KANK2: variants seen among roughly 807,000 people sequenced by gnomAD.
KANK2 encodes the protein KN motif and ankyrin repeat domain-containing protein 2.
KANK2 carries 41 observed loss-of-function variants against 74.6 expected under a neutral mutation model. The observed-to-expected ratio is 0.55, with a 90% CI of 0.43 to 0.71. The LOEUF (loss-of-function observed/expected upper bound fraction) is 0.71, where lower values mean the gene tolerates loss of function less well. Ranked by LOEUF, KANK2 falls within the 30% of genes least tolerant of loss-of-function variation. The probability of loss-of-function intolerance (pLI) is 0.00; values close to 1 mark genes in which losing one functional copy is unlikely to be tolerated. For missense variants in KANK2, 1,148 were observed against 1,196.4 expected (o/e 0.96, Z 0.60); for synonymous variants, 537 against 519.0 (o/e 1.03, Z -0.47).
rs748882141 is a variant in KANK2 at position 11,166,284 on chromosome 19, C to G, written c.*274G>C. ...TCAATGTTCTTCATAAAACCCACAC[C>G]CCAGCATCAGCCCTGGCGCCAATGT... is the stretch of plus-strand genomic sequence containing the variant. On this transcript the variant is annotated 3_prime_UTR_variant, in exon 13 of 13. Transcript: ENST00000586659. 2.8e-6 allele frequency: 1 copy of G among 361,364 alleles called. No individual in the cohort carries two copies. The highest frequency in any genetic ancestry group is 5.0e-6 in the Non-Finnish European group (1 of 200,738). The allele number at this position is 361,364 out of a possible 1,614,324, so 22.4% of individuals were successfully genotyped here.
In KANK2 at chr19:11,194,545, TG is replaced by T; in HGVS notation, c.-35del. 6.3e-7 allele frequency: 1 copy of T among 1,588,588 alleles called. No individual in the cohort carries two copies. The highest frequency in any genetic ancestry group is 8.6e-7 in the Non-Finnish European group (1 of 1,157,726). On this transcript the variant is annotated 5_prime_UTR_variant, in exon 3 of 13. Coordinates refer to ENST00000586659, the MANE Select transcript of KANK2 (RefSeq NM_001136191.3). ...CTACAGATGCTCCTTGGAAGTCACT[TG>T]AGGGACTGCGAGTCAGACTGCCTGC...
intron 3 of KANK2, 49 bp from the exon 4 acceptor site, chr19:11,194,091 C>T: frequency 6.5e-7 from 1 of 1,544,540 alleles, no homozygotes; most frequent in South Asian, 1.3e-5. Flanking sequence ...TGTCCCCATT[C>T]TCAGGGTGAA....
At chr19:11,182,162 C>T (rs930826734) in intron 4 of KANK2, among the ~76,000 whole-genome samples, 9 of 151,878 alleles carry the variant, frequency 5.9e-5, no homozygotes, top group Non-Finnish European at 1.0e-4. Flanking sequence ...GTGATCCACC[C>T]GCCTCAGCCT....
intron 6 of KANK2, among the ~76,000 whole-genome samples, chr19:11,177,393 C>T (rs1376860059): frequency 2.0e-5 from 3 of 151,474 alleles, no homozygotes; most frequent in Non-Finnish European, 2.9e-5. Context: ...CTCGCTCTGT[C>T]GCCCAGGCTA....
In KANK2 at chr19:11,178,580, G is replaced by C. The variant is rs759936314; in HGVS notation, c.1390C>G (p.Gln464Glu). The C allele has an allele frequency of 6.2e-7, 1 of 1,604,910 alleles. No individual in the cohort carries two copies. ...GTGCCCCCGGCCTCCTCGGACTCTT[G>C]GGAGGCTGCTTGCCTGGTGGGCTCC... ...HREPTRQAAS[Q>E]ESEEAGGTGG... The change falls in exon 5 of 13, where the codon CAA (glutamine) becomes GAA (glutamate). Residue 464 changes from glutamine to glutamate, a missense_variant. Physicochemically the swap from Gln to Glu is conservative, Grantham distance 29. Coordinates refer to ENST00000586659, the MANE Select transcript of KANK2 (RefSeq NM_001136191.3).
At chr19:11,185,777 T>TC (rs2078656860) in intron 4 of KANK2, among the ~76,000 whole-genome samples, 2 of 151,982 alleles carry the variant, frequency 1.3e-5, no homozygotes, top group South Asian at 4.2e-4. Flanking sequence ...ATTCCGAGGC[T>TC]CGCATTTATA....
chr19:11,166,899 A>T (rs143979605), intron 12 of KANK2, among the ~76,000 whole-genome samples: 211 of 152,258 alleles, frequency 1.4e-3, no homozygotes, highest in Non-Finnish European at 2.4e-3. Context: ...GCCAGCGAGC[A>T]GGGAAGAGCA....
At chr19:11,181,413 A>AT (rs2078515675) in intron 4 of KANK2, among the ~76,000 whole-genome samples, 1 of 151,756 alleles carries the variant, frequency 6.6e-6, no homozygotes, top group African/African-American at 2.4e-5. Flanking sequence ...TGCCCGGCTA[A>AT]TTTTTGTATT....
chr19:11,193,488 T>G lies in KANK2; in HGVS notation c.592A>C (p.Lys198Gln). The change falls in exon 4 of 13, where the codon AAG (lysine) becomes CAG (glutamine). Residue 198 changes from lysine (K) to glutamine (Q), a missense_variant. Transcript: ENST00000586659. The surrounding 1 kb of genome is among the most constrained non-coding windows in gnomAD (Gnocchi z 9.6). ...VREQMAGALR[K>Q]LRQLEEQVKL... ...ACCTGCTCCTCCAGCTGCCGCAGCT[T>G]CCGCAGGGCACCCGCCATCTGCTCC... 1 of 1,610,624 alleles carries G rather than the reference T, an allele frequency of 6.2e-7. No homozygotes were observed. Among genetic ancestry groups the G allele is most frequent in the African/African-American group, 1.3e-5 (1 of 74,906 alleles).
At chr19:11,194,287 C>G (rs943179973) in intron 3 of KANK2, among the ~76,000 whole-genome samples, 188 bp downstream of exon 3, 1 of 152,052 alleles carries the variant, frequency 6.6e-6, no homozygotes, top group African/African-American at 2.4e-5. Flanking sequence ...TAGACTACCC[C>G]CTTTTTCCGG....
intron 4 of KANK2, among the ~76,000 whole-genome samples, chr19:11,189,440 C>T (rs914963508): frequency 6.6e-6 from 1 of 151,342 alleles, no homozygotes; most frequent in African/African-American, 2.4e-5. Context: ...CCCATCTCTA[C>T]TAAAAATACA....
intron 4 of KANK2, among the ~76,000 whole-genome samples, chr19:11,189,087 A>G (rs1399395344): frequency 7.1e-6 from 1 of 140,852 alleles, no homozygotes; most frequent in East Asian, 2.3e-4. Context: ...ACTTGACATG[A>G]ATTGATTCTC....
intron 8 of KANK2, among the ~76,000 whole-genome samples, chr19:11,175,370 G>A (rs1037577906): frequency 7.3e-6 from 1 of 137,586 alleles, no homozygotes; most frequent in African/African-American, 2.7e-5. Flanking sequence ...AGAGGTTACA[G>A]TGAGCTGAGA....
intron 10 of KANK2, among the ~76,000 whole-genome samples, chr19:11,171,846 T>A (rs1377030730): frequency 6.8e-6 from 1 of 148,138 alleles, no homozygotes; most frequent in Non-Finnish European, 1.5e-5. Context: ...AATTTTTATA[T>A]ATTTTTTTTA....
chr19:11,185,573 T>C (rs1022691194), intron 4 of KANK2, among the ~76,000 whole-genome samples: 1 of 150,082 alleles, frequency 6.7e-6, no homozygotes, highest in Non-Finnish European at 1.5e-5. Context: ...TCAGGCTGTA[T>C]CTGGCCCACA....
rs541161277 is a variant in KANK2 at position 11,166,487 on chromosome 19, C to G, written c.*71G>C. On this transcript the variant is annotated 3_prime_UTR_variant, in exon 13 of 13. Transcript: ENST00000586659. ...GTGAGTGGGGTGGGCCAGGGAGGAA[C>G]GGGAACAGGGAGGAGACGGGGACAA... The G allele has an allele frequency of 1.4e-6, 2 of 1,432,932 alleles. No individual in the cohort carries two copies. The highest frequency in any genetic ancestry group is 2.0e-6 in the Non-Finnish European group (2 of 1,017,172). The allele number at this position is 1,432,932 out of a possible 1,614,324, so 88.8% of individuals were successfully genotyped here.
At position 11,176,622 on chromosome 19, in the gene KANK2, G is replaced by T; in HGVS notation, c.1716C>A (p.Pro572=). 1.9e-6 allele frequency: 3 copies of T among 1,611,468 alleles called. No homozygotes were observed. Among genetic ancestry groups the T allele is most frequent in the Non-Finnish European group, 2.5e-6 (3 of 1,178,698 alleles). The part of the protein sequence containing the change: ...CQLSRESQHI[P]TAEGASGSNT... ...TTGATCCTGATGCCCCCTCAGCAGTGGGTATGTGCTGAGATTCTCGAGACA... is the reference window on the plus strand; with the variant it reads ...TTGATCCTGATGCCCCCTCAGCAGTTGGTATGTGCTGAGATTCTCGAGACA... The change falls in exon 7 of 13, where the codon CCC becomes CCA. Residue 572 remains proline (P), a synonymous_variant. Transcript: ENST00000586659.
chr19:11,185,710 G>A (rs1293030699), intron 4 of KANK2, among the ~76,000 whole-genome samples: 1 of 149,384 alleles, frequency 6.7e-6, no homozygotes, highest in Non-Finnish European at 1.5e-5. Flanking sequence ...ACACAGAGAA[G>A]CCCTATCTCT....
chr19:11,191,987 A>T (rs1352187291), intron 4 of KANK2, among the ~76,000 whole-genome samples: 1 of 152,180 alleles, frequency 6.6e-6, no homozygotes, highest in Admixed American at 6.5e-5. Context: ...TGAGCCTAGG[A>T]AGTCAAGGCT....
Sources: gnomAD v4.1 joint callset for allele counts (sites outside exome capture counted in the v4.1 genomes callset) on GRCh38, gnomAD v4.1.1 for gene constraint, Gnocchi (gnomAD v3.1) non-coding constraint, MANE v1.5 for transcripts, NCBI Gene and HGNC (gene_info 2026-07-23, HGNC 2026-07-21) for gene names.